EYA4: variants seen among roughly 807,000 people sequenced by gnomAD.
The protein encoded by EYA4 is EYA transcriptional coactivator and phosphatase 4.
EYA4 carries 31 observed loss-of-function variants against 87.9 expected under a neutral mutation model. The observed-to-expected ratio is 0.35, with a 90% CI of 0.27 to 0.48. The LOEUF is 0.48. Among genes scored for constraint, EYA4 ranks in the 20% least tolerant of loss-of-function variants. EYA4 has a pLI of 0.99. For synonymous variants in EYA4, 263 were observed against 270.6 expected (o/e 0.97, Z 0.28); for missense variants, 678 against 761.4 (o/e 0.89, Z 1.29).
chr6:133,385,215 C>T (rs541420774), intron 3 of EYA4, among the ~76,000 whole-genome samples: 4 of 147,924 alleles, frequency 2.7e-5, no homozygotes, highest in Non-Finnish European at 5.9e-5. Flanking sequence ...AGGAGAATGG[C>T]GTGAACCTGG....
intron 3 of EYA4, among the ~76,000 whole-genome samples, chr6:133,388,091 T>C (rs914156383): frequency 6.6e-6 from 1 of 152,140 alleles, no homozygotes; most frequent in African/African-American, 2.4e-5. Context: ...AAATCACTTA[T>C]TTCAGTGATA....
chr6:133,285,419 G>T (rs1777975063), intron 2 of EYA4, among the ~76,000 whole-genome samples: 1 of 152,116 alleles, frequency 6.6e-6, no homozygotes, highest in African/African-American at 2.4e-5. Flanking sequence ...TAGGTTCAAG[G>T]AATAGAAAGG....
At chr6:133,390,054 C>T (rs1431159584) in intron 3 of EYA4, among the ~76,000 whole-genome samples, 1 of 152,020 alleles carries the variant, frequency 6.6e-6, no homozygotes, top group East Asian at 1.9e-4. Flanking sequence ...ATTGATCAGG[C>T]AGTATTCAGT....
intron 2 of EYA4, among the ~76,000 whole-genome samples, chr6:133,286,921 C>T (rs1562249536): frequency 6.6e-6 from 1 of 152,008 alleles, no homozygotes; most frequent in East Asian, 1.9e-4. Flanking sequence ...GGGTGCTGTC[C>T]TGTACATTGT....
chr6:133,294,035 A>G (rs1778723762), intron 2 of EYA4, among the ~76,000 whole-genome samples: 1 of 82,240 alleles, frequency 1.2e-5, no homozygotes, highest in Non-Finnish European at 2.6e-5. Flanking sequence ...ATATATATAT[A>G]TATATATATA....
intron 2 of EYA4, among the ~76,000 whole-genome samples, chr6:133,343,633 G>A (rs892321636): frequency 1.0e-4 from 14 of 135,394 alleles, no homozygotes; most frequent in Non-Finnish European, 1.7e-4. Context: ...GTTTTTCGGC[G>A]TCCTTACCTT....
At chr6:133,513,114 A>T in intron 16 of EYA4, 76 bp downstream of exon 16, 3 of 1,400,122 alleles carry the variant, frequency 2.1e-6, no homozygotes, top group Non-Finnish European at 3.0e-6. Flanking sequence ...CATGTTAAAG[A>T]TGATTCTGCT....
intron 1 of EYA4, among the ~76,000 whole-genome samples, chr6:133,270,981 G>C (rs1263681239): frequency 6.6e-6 from 1 of 152,134 alleles, no homozygotes; most frequent in Non-Finnish European, 1.5e-5. Flanking sequence ...CTCTCCTGGT[G>C]GCAGTGTTCC....
intron 3 of EYA4, among the ~76,000 whole-genome samples, chr6:133,443,755 G>C (rs1238387358): frequency 6.6e-6 from 1 of 151,812 alleles, no homozygotes; most frequent in African/African-American, 2.4e-5. Context: ...ATATTTACTT[G>C]TGATTTTTTT....
intron 3 of EYA4, among the ~76,000 whole-genome samples, chr6:133,434,120 G>A (rs1185497923): frequency 6.6e-6 from 1 of 152,208 alleles, no homozygotes; most frequent in Admixed American, 6.5e-5. Context: ...AAAAGAGTTT[G>A]AGATGGACTG....
chr6:133,448,370 T>C (rs1293771140), intron 5 of EYA4, among the ~76,000 whole-genome samples, 191 bp downstream of exon 5: 1 of 152,314 alleles, frequency 6.6e-6, no homozygotes. Context: ...TATTCTTAGA[T>C]TTTTTTAGGT....
chr6:133,385,352 A>AT (rs11403094), intron 3 of EYA4, among the ~76,000 whole-genome samples: 26,761 of 127,912 alleles, frequency 0.21, 4,428 homozygotes, highest in East Asian at 0.24. Context: ...ATATATATAT[A>AT]TTTTTTCTCT....
chr6:133,463,655 C>T (rs530964649), intron 9 of EYA4, among the ~76,000 whole-genome samples: 11 of 152,264 alleles, frequency 7.2e-5, no homozygotes, highest in Non-Finnish European at 1.3e-4. Context: ...GCCACCATGC[C>T]TAGCTGTGTT....
chr6:133,322,449 A>G (rs1483845449), intron 2 of EYA4, among the ~76,000 whole-genome samples: 1 of 152,248 alleles, frequency 6.6e-6, no homozygotes, highest in East Asian at 1.9e-4. Context: ...TGATTATTGT[A>G]TAAATATAAA....
chr6:133,477,528 G>A (rs555962042), intron 11 of EYA4, among the ~76,000 whole-genome samples: 17 of 151,998 alleles, frequency 1.1e-4, no homozygotes, highest in African/African-American at 3.9e-4. Flanking sequence ...TTTATCAGAT[G>A]TATGGTTTGC....
intron 16 of EYA4, among the ~76,000 whole-genome samples, chr6:133,513,300 T>A (rs1405960537): frequency 1.3e-5 from 2 of 152,186 alleles, no homozygotes; most frequent in Non-Finnish European, 2.9e-5. Flanking sequence ...GGGCATTTAG[T>A]TGACCCTTTA....
chr6:133,347,945 G>A (rs1783322707), intron 2 of EYA4, among the ~76,000 whole-genome samples: 1 of 152,184 alleles, frequency 6.6e-6, no homozygotes, highest in Non-Finnish European at 1.5e-5. Flanking sequence ...TTTTCCGTAT[G>A]ATATGGTGGT....
intron 2 of EYA4, among the ~76,000 whole-genome samples, chr6:133,293,254 CA>C (rs1778635174): frequency 1.3e-5 from 2 of 152,254 alleles, no homozygotes; most frequent in South Asian, 4.2e-4. Flanking sequence ...TAAAAGATGA[CA>C]GTGTTTTTAT....
intron 3 of EYA4, among the ~76,000 whole-genome samples, chr6:133,416,407 A>T (rs942869095): frequency 2.6e-5 from 4 of 152,024 alleles, no homozygotes; most frequent in South Asian, 2.1e-4. Context: ...CCTCTTGCAC[A>T]TTTTTTTTCC....
Sources: allele counts gnomAD v4.1 joint callset (sites outside exome capture counted in the v4.1 genomes callset), GRCh38; gene constraint gnomAD v4.1.1; transcripts MANE v1.5; gene names NCBI Gene and HGNC (gene_info 2026-07-23, HGNC 2026-07-21).